Variants in SLC38A4 observed in about 807,000 individuals in gnomAD.
The protein encoded by SLC38A4 is sodium-coupled neutral amino acid transporter 4.
SLC38A4 carries 20 observed loss-of-function variants against 63.1 expected under a neutral mutation model. The ratio of observed to expected loss-of-function variants is 0.32; its 90% CI spans 0.22 to 0.46. SLC38A4 has a LOEUF of 0.46. SLC38A4 is among the 20% of genes least tolerant of loss of function. The pLI is 1.00. For synonymous variants in SLC38A4, 230 were observed against 225.5 expected (o/e 1.02, Z -0.18); for missense variants, 526 against 663.6 (o/e 0.79, Z 2.28).
At chr12:46,787,092 T>G (rs1938777641) in intron 5 of SLC38A4, among the ~76,000 whole-genome samples, 1 of 152,214 alleles carries the variant, frequency 6.6e-6, no homozygotes, top group African/African-American at 2.4e-5. Flanking sequence ...ACAGGTCAAC[T>G]ACCAGATGCT....
intron 7 of SLC38A4, among the ~76,000 whole-genome samples, chr12:46,780,942 T>G (rs1298159369): frequency 6.6e-6 from 1 of 152,196 alleles, no homozygotes; most frequent in African/African-American, 2.4e-5. Context: ...ACTTTAAGTG[T>G]GTCCTACATC....
At chr12:46,808,962 A>G (rs1939288898) in intron 1 of SLC38A4, among the ~76,000 whole-genome samples, 1 of 152,052 alleles carries the variant, frequency 6.6e-6, no homozygotes, top group Admixed American at 6.6e-5. Flanking sequence ...TCTAGTTCAT[A>G]GCAATTGATA....
chr12:46,801,897 T>A (rs889294613), intron 2 of SLC38A4, among the ~76,000 whole-genome samples: 8 of 152,064 alleles, frequency 5.3e-5, no homozygotes, highest in Non-Finnish European at 7.4e-5. Flanking sequence ...AAACCAACAA[T>A]AACAGCAGAA....
intron 11 of SLC38A4, 35 bp downstream of exon 11, chr12:46,778,466 A>G: frequency 1.2e-6 from 2 of 1,611,284 alleles, no homozygotes; most frequent in Non-Finnish European, 1.7e-6. Flanking sequence ...AAAACACATA[A>G]CTGTACTCAT....
chr12:46,802,821 C>T (rs1435898206), intron 2 of SLC38A4, among the ~76,000 whole-genome samples: 2 of 151,890 alleles, frequency 1.3e-5, no homozygotes, highest in East Asian at 3.9e-4. Context: ...TAACTAAAAC[C>T]ATCCACATAT....
chr12:46,802,357 A>G (rs1345858356), intron 2 of SLC38A4, among the ~76,000 whole-genome samples: 1 of 152,062 alleles, frequency 6.6e-6, no homozygotes, highest in African/African-American at 2.4e-5. Flanking sequence ...AGTAAGTTCC[A>G]TTCATTATAA....
intron 5 of SLC38A4, 88 bp from the exon 6 acceptor site, chr12:46,785,265 A>C (rs1033227323): frequency 1.9e-6 from 2 of 1,054,464 alleles, no homozygotes; most frequent in Non-Finnish European, 1.4e-6. Flanking sequence ...GATCACATTA[A>C]TCTTTTCAAT....
At position 46,788,631 on chromosome 12, in the gene SLC38A4, A is replaced by G. The variant is rs1444799817; in HGVS notation, c.120-13T>C. On this transcript the variant is annotated splice_polypyrimidine_tract_variant and intron_variant, in intron 3 of 16. Transcript: ENST00000266579. ...ATTAGCAAATTGACTGAACACACACACACACAAATAAGAAAGTGAAAACAT... is the reference window on the plus strand; with the variant it reads ...ATTAGCAAATTGACTGAACACACACGCACACAAATAAGAAAGTGAAAACAT... 1 of 1,602,680 alleles carries G rather than the reference A, an allele frequency of 6.2e-7. No individual in the cohort carries two copies. The highest frequency in any genetic ancestry group is 8.5e-7 in the Non-Finnish European group (1 of 1,170,452).
chr12:46,827,684 G>T (rs1939677771), upstream of SLC38A4, among the ~76,000 whole-genome samples: 1 of 151,966 alleles, frequency 6.6e-6, no homozygotes, highest in South Asian at 2.1e-4. Flanking sequence ...AAGCATAGAA[G>T]AACATTTGTT....
At chr12:46,815,268 TATATATATATATATATACAC>T (rs1178158153) in intron 1 of SLC38A4, among the ~76,000 whole-genome samples, 162 of 74,224 alleles carry the variant, frequency 2.2e-3, no homozygotes, top group African/African-American at 6.8e-3. Context: ...TATATATATA[TATATATATATATATATACAC>T]ACACACACAC....
intron 5 of SLC38A4, among the ~76,000 whole-genome samples, chr12:46,785,724 G>A (rs1459843008): frequency 6.7e-6 from 1 of 148,490 alleles, no homozygotes; most frequent in Non-Finnish European, 1.5e-5. Flanking sequence ...GCTAAGGATG[G>A]GGCACGAAAA....
rs542649471 is a variant in SLC38A4 at position 46,769,332 on chromosome 12, C to T, written c.1396G>A (p.Val466Ile). The T allele has an allele frequency of 2.4e-5, 39 of 1,613,414 alleles. No homozygotes were observed. In the South Asian group the frequency reaches 3.7e-4, roughly 15 times the overall value. Residue 466 changes from valine to isoleucine, a missense_variant, in exon 15 of 17, where the codon GTT (valine) becomes ATT (isoleucine). Transcript: ENST00000266579. ...ATAGTTGGCACAAGGATGACCAGAA[C>T]ATTATTAAGTGCAATAAGCACAGCT... ...IAAVLIALNN[V>I]LVILVPTIKY...
At chr12:46,785,935 G>T in intron 5 of SLC38A4, among the ~76,000 whole-genome samples, 1 of 151,200 alleles carries the variant, frequency 6.6e-6, no homozygotes, top group Non-Finnish European at 1.5e-5. Flanking sequence ...CTGGAATTCA[G>T]AAAAAAAATC....
At chr12:46,784,452 T>C (rs1938716399) in intron 7 of SLC38A4, 90 bp downstream of exon 7, 3 of 924,056 alleles carry the variant, frequency 3.2e-6, no homozygotes, top group Non-Finnish European at 1.6e-6. Flanking sequence ...TTTCTGTATC[T>C]AAAGTGCCTG....
At chr12:46,788,180 AT>A (rs1454538605) in intron 4 of SLC38A4, 149 bp from the exon 5 acceptor site, 1 of 613,160 alleles carries the variant, frequency 1.6e-6, no homozygotes, top group Non-Finnish European at 2.9e-6. Flanking sequence ...CTCAACATCA[AT>A]AAAAGCATGT....
intron 1 of SLC38A4, among the ~76,000 whole-genome samples, chr12:46,805,686 G>C (rs1381104303): frequency 6.6e-6 from 1 of 152,058 alleles, no homozygotes; most frequent in Non-Finnish European, 1.5e-5. Context: ...TTAGGCTCAT[G>C]CTTGTTTCAT....
intron 2 of SLC38A4, among the ~76,000 whole-genome samples, chr12:46,795,508 C>G (rs1286687774): frequency 6.6e-6 from 1 of 152,068 alleles, no homozygotes; most frequent in Admixed American, 6.6e-5. Flanking sequence ...TGAATGGCTT[C>G]CTCCTCCAAC....
At chr12:46,815,605 G>A (rs533180971) in intron 1 of SLC38A4, among the ~76,000 whole-genome samples, 1 of 151,614 alleles carries the variant, frequency 6.6e-6, no homozygotes, top group Admixed American at 6.6e-5. Flanking sequence ...TTAAATCAGT[G>A]GACTCCATAA....
In SLC38A4 at chr12:46,793,061, A is replaced by G. The variant is rs1444136707; in HGVS notation, c.11T>C (p.Met4Thr). MDPMELRNVNIEPD... is the reference protein window; with the variant it reads MDPTELRNVNIEPD... ...TTCGATGTTGACATTTCTCAGTTCC[A>G]TGGGATCCATTTGAGCTGTCAGCGC... Residue 4 changes from methionine (M) to threonine (T), a missense_variant, in exon 3 of 17, where the codon ATG becomes ACG. Coordinates refer to ENST00000266579, the MANE Select transcript of SLC38A4 (RefSeq NM_018018.5). 12 of 1,612,640 alleles carry G rather than the reference A, an allele frequency of 7.4e-6. No homozygotes were observed. The highest frequency in any genetic ancestry group is 2.2e-5 in the South Asian group (2 of 91,064).
Sources: gnomAD v4.1 joint callset for allele counts (sites outside exome capture counted in the v4.1 genomes callset) on GRCh38, gnomAD v4.1.1 for gene constraint, MANE v1.5 for transcripts, NCBI Gene and HGNC (gene_info 2026-07-23, HGNC 2026-07-21) for gene names.